Variants in CCNI observed in about 807,000 individuals in gnomAD.
CCNI encodes the protein cyclin I.
Under a neutral mutation model 34.1 loss-of-function variants are expected in CCNI, and 14 were observed. That is an observed-to-expected ratio of 0.41 (90% confidence interval 0.27 to 0.64). The LOEUF (loss-of-function observed/expected upper bound fraction) is 0.64. CCNI is among the 30% of genes least tolerant of loss of function. The pLI is 0.31. For missense variants in CCNI, 385 were observed against 440.5 expected, an observed-to-expected ratio of 0.87 and a Z score of 1.13; for synonymous variants, 154 against 158.4, an observed-to-expected ratio of 0.97 and a Z score of 0.21.
intron 6 of CCNI, among the ~76,000 whole-genome samples, chr4:77,049,025 ACT>A (rs1381672381): frequency 2.7e-5 from 3 of 110,012 alleles, no homozygotes; most frequent in East Asian, 5.1e-4. Context: ...CCTTCATCCT[ACT>A]CTCTTGGCCT....
chr4:77,074,471 G>A (rs1729741313), intron 1 of CCNI, among the ~76,000 whole-genome samples: 1 of 152,146 alleles, frequency 6.6e-6, no homozygotes, highest in South Asian at 2.1e-4. Context: ...CTCATTTTCA[G>A]GACAGAGACC....
At chr4:77,073,999 T>TA (rs1729694522) in intron 1 of CCNI, among the ~76,000 whole-genome samples, 1 of 152,044 alleles carries the variant, frequency 6.6e-6, no homozygotes, top group Non-Finnish European at 1.5e-5. Flanking sequence ...AAAGCCCTTT[T>TA]TTTCTAGTTT....
In CCNI at chr4:77,075,805, G is replaced by C. The variant is rs1322107703; in HGVS notation, c.-377C>G. The C allele has an allele frequency of 6.6e-6, 1 of 152,488 alleles. No homozygotes were observed. The highest frequency in any genetic ancestry group is 1.5e-5 in the Non-Finnish European group (1 of 68,480). 9.4% of individuals were successfully genotyped at this position (152,488 alleles called of 1,614,324 possible). A position where few individuals can be genotyped will look rare whatever the true frequency, so the allele number is the denominator to read the frequency against. On this transcript the variant is annotated 5_prime_UTR_variant, in exon 1 of 7. Coordinates refer to ENST00000237654, the MANE Select transcript of CCNI (RefSeq NM_006835.3). ...GCCATAGGGCGGCGGGGGCCGGGGA[G>C]AGGCGGGGGGTGAGACCGGCTCTGC...
chr4:77,055,434 A>G (rs958122772), intron 5 of CCNI, 54 bp from the exon 6 acceptor site: 2 of 1,205,262 alleles, frequency 1.7e-6, no homozygotes, highest in African/African-American at 1.5e-5. Context: ...GGGAAATTAC[A>G]TATAGAAATT....
Position 77,075,572 on chromosome 4 carries a change from T to G in CCNI, c.-144A>C. The G allele has an allele frequency of 1.0e-6, 1 of 988,046 alleles. No homozygotes were observed. Among genetic ancestry groups the G allele is most frequent in the Non-Finnish European group, 1.2e-6 (1 of 830,468 alleles). 61.2% of individuals were successfully genotyped at this position (988,046 alleles called of 1,614,324 possible). On this transcript the variant is annotated 5_prime_UTR_variant, in exon 1 of 7. An upstream start codon of the reference 5' UTR is lost. Coordinates refer to ENST00000237654, the MANE Select transcript of CCNI (RefSeq NM_006835.3). ...GGGGCCCGTTACCACCTCATTCTCA[T>G]AGGCGCGCGGAGGCGGTGCGCGCGG...
At chr4:77,074,296 T>TA (rs1353984210) in intron 1 of CCNI, among the ~76,000 whole-genome samples, 1 of 152,168 alleles carries the variant, frequency 6.6e-6, no homozygotes, top group African/African-American at 2.4e-5. Flanking sequence ...AAGAAATTTC[T>TA]AGTAGAGGGG....
rs372056809 is a variant in CCNI at position 77,052,542 on chromosome 4, A to G, written c.690+2608T>C. On this transcript the variant is annotated intron_variant, in intron 6 of 6. Coordinates refer to ENST00000237654, the MANE Select transcript of CCNI (RefSeq NM_006835.3). ...GGAAGATTGCCTTTCAAACCTGGGA[A>G]CACTCACCATACTTTGTCTCAAAGT... 5.3e-5 allele frequency among the ~76,000 whole-genome samples: 8 copies of G among 152,278 alleles called. No homozygotes were observed. In the East Asian group the frequency reaches 1.2e-3, roughly 22 times the overall value.
At chr4:77,062,277 A>T (rs1359813043) in intron 2 of CCNI, among the ~76,000 whole-genome samples, 1 of 152,230 alleles carries the variant, frequency 6.6e-6, no homozygotes, top group South Asian at 2.1e-4. Flanking sequence ...ACATTTTTTT[A>T]AAAATTAAAT....
At chr4:77,054,997 G>A (rs1728109715) in intron 6 of CCNI, among the ~76,000 whole-genome samples, 153 bp downstream of exon 6, 1 of 152,120 alleles carries the variant, frequency 6.6e-6, no homozygotes, top group Admixed American at 6.5e-5. Context: ...AGATCACCTA[G>A]CCCGTAAATT....
chr4:77,069,447 TTTA>T (rs939833144), intron 1 of CCNI, among the ~76,000 whole-genome samples: 8 of 144,818 alleles, frequency 5.5e-5, no homozygotes, highest in Non-Finnish European at 1.1e-4. Flanking sequence ...ATATATTTTT[TTTA>T]TTATTATACT....
At chr4:77,063,647 G>A (rs367768740) in intron 2 of CCNI, among the ~76,000 whole-genome samples, 10 of 150,310 alleles carry the variant, frequency 6.7e-5, no homozygotes, top group Admixed American at 1.3e-4. Context: ...CCAAGATCGC[G>A]CCAGTGCACT....
At chr4:77,061,228 A>C (rs1176494222) in intron 2 of CCNI, among the ~76,000 whole-genome samples, 1 of 152,236 alleles carries the variant, frequency 6.6e-6, no homozygotes, top group African/African-American at 2.4e-5. Flanking sequence ...TCACTTTTTC[A>C]AATCAATTCA....
At chr4:77,074,102 T>G (rs1729709075) in intron 1 of CCNI, among the ~76,000 whole-genome samples, 1 of 152,208 alleles carries the variant, frequency 6.6e-6, no homozygotes, top group Non-Finnish European at 1.5e-5. Flanking sequence ...ATTTTTAATG[T>G]ATTACACAAT....
intron 5 of CCNI, 44 bp downstream of exon 5, chr4:77,055,918 C>T: frequency 6.7e-7 from 1 of 1,489,136 alleles, no homozygotes. Context: ...TTACTGAAAA[C>T]TACACACTCA....
chr4:77,059,721 A>G (rs898847362), intron 2 of CCNI, among the ~76,000 whole-genome samples: 2 of 152,108 alleles, frequency 1.3e-5, no homozygotes, highest in African/African-American at 2.4e-5. Context: ...GTTATTCCTC[A>G]TATCTAGCTG....
At chr4:77,060,782 G>A (rs1023622057) in intron 2 of CCNI, among the ~76,000 whole-genome samples, 10 of 152,044 alleles carry the variant, frequency 6.6e-5, no homozygotes, top group African/African-American at 9.7e-5. Context: ...GTGCCATCAC[G>A]CCTGGCTAAT....
Position 77,047,309 on chromosome 4 carries a change from A to C in CCNI, c.*910T>G, listed in dbSNP as rs1727504773. 6.6e-6 allele frequency: 1 copy of C among 152,200 alleles called. No homozygotes were observed. The highest frequency in any genetic ancestry group is 2.4e-5 in the African/African-American group (1 of 41,446). The allele number at this position is 152,200 out of a possible 1,614,324, so 9.4% of individuals were successfully genotyped here. ...GGCAGGGGGAGTAAGTTCTATTAGA[A>C]AATCCTAATAGCTTAACAAAACTAG... is the stretch of plus-strand genomic sequence containing the variant. On this transcript the variant is annotated 3_prime_UTR_variant, in exon 7 of 7. Coordinates refer to ENST00000237654, the MANE Select transcript of CCNI (RefSeq NM_006835.3).
At chr4:77,051,962 T>G (rs1210178727) in intron 6 of CCNI, among the ~76,000 whole-genome samples, 1 of 151,340 alleles carries the variant, frequency 6.6e-6, no homozygotes, top group Non-Finnish European at 1.5e-5. Context: ...TTGTTTTTTT[T>G]TTTTTAAATT....
rs1729030077 is a variant in CCNI, at chr4:77,066,279, T to G, written c.84A>C (p.Lys28Asn). ...KAITREAQMW[K>N]VNVRKMPSNQ... ...TTGAAGGCATTTTCCGCACATTCAC[T>G]TTCCACATCTGTGCTTCCCTAGTGA... The change falls in exon 2 of 7, where the codon AAA (lysine) becomes AAC (asparagine). Residue 28 changes from lysine (K) to asparagine (N), a missense_variant. By Grantham distance (94) the Lys-to-Asn change is moderately conservative (BLOSUM62 0). This residue lies in a region of CCNI where 135 missense variants were observed against 191.8 expected (regional missense o/e 0.70). Transcript: ENST00000237654. The G allele has an allele frequency of 6.2e-7, 1 of 1,613,968 alleles. No homozygotes were observed. Among genetic ancestry groups the G allele is most frequent in the African/African-American group, 1.3e-5 (1 of 74,922 alleles).
Sources: gnomAD v4.1 joint callset for allele counts (sites outside exome capture counted in the v4.1 genomes callset) on GRCh38, gnomAD v4.1.1 for gene constraint, gnomAD v4.1.1 regional missense constraint, MANE v1.5 for transcripts, NCBI Gene and HGNC (gene_info 2026-07-23, HGNC 2026-07-21) for gene names.